Variants in PRKCQ observed in about 807,000 individuals in gnomAD.
PRKCQ encodes protein kinase C theta type.
In PRKCQ, 41 loss-of-function variants were observed where a neutral mutation model predicts 91.2. The ratio of observed to expected loss-of-function variants is 0.45; its 90% CI spans 0.35 to 0.58. The LOEUF is 0.58. Among genes scored for constraint, PRKCQ ranks in the 20% least tolerant of loss-of-function variants. PRKCQ has a pLI of 0.00. For synonymous variants in PRKCQ, 307 were observed against 316.9 expected (o/e 0.97, Z 0.33); for missense variants, 673 against 896.5 (o/e 0.75, Z 3.18).
chr10:6,485,382 A>C (rs661891), intron 9 of PRKCQ, 113 bp from the exon 10 acceptor site: 379,335 of 788,870 alleles, frequency 0.48, 93,356 homozygotes, highest in Middle Eastern at 0.56. Flanking sequence ...CATAGGGTCA[A>C]CAAAGATCTC....
At chr10:6,448,438 C>T (rs2132281141) in intron 15 of PRKCQ, among the ~76,000 whole-genome samples, 1 of 151,352 alleles carries the variant, frequency 6.6e-6, no homozygotes, top group East Asian at 2.0e-4. Flanking sequence ...GAGTCAGAGT[C>T]TCACTCTGTC....
intron 1 of PRKCQ, among the ~76,000 whole-genome samples, chr10:6,523,715 C>A (rs1383084367): frequency 6.6e-6 from 1 of 152,190 alleles, no homozygotes; most frequent in Non-Finnish European, 1.5e-5. Flanking sequence ...CATTATTAAT[C>A]TTCTGACACA....
chr10:6,520,471 G>T (rs1469578086), intron 1 of PRKCQ, among the ~76,000 whole-genome samples: 1 of 152,124 alleles, frequency 6.6e-6, no homozygotes, highest in Non-Finnish European at 1.5e-5. Flanking sequence ...ATGATCTTAG[G>T]ATCTTGCAAA....
At chr10:6,496,975 T>C in intron 7 of PRKCQ, 60 bp downstream of exon 7, 1 of 1,447,866 alleles carries the variant, frequency 6.9e-7, no homozygotes, top group Non-Finnish European at 9.7e-7. Context: ...ATTCGTGGGC[T>C]GTAACATTTA....
the PRKCQ span, among the ~76,000 whole-genome samples, chr10:6,402,626 C>T: frequency 3.9e-5 from 6 of 152,194 alleles, no homozygotes; most frequent in Non-Finnish European, 5.9e-5. Flanking sequence ...AAGTGAAGCA[C>T]TGTGTGGCCT....
chr10:6,563,466 A>T (rs1443558470), intron 1 of PRKCQ, among the ~76,000 whole-genome samples: 1 of 151,900 alleles, frequency 6.6e-6, no homozygotes, highest in Non-Finnish European at 1.5e-5. Context: ...CTTCCCTATA[A>T]GCCCCTCACC....
At chr10:6,526,830 G>T (rs1483886689) in intron 1 of PRKCQ, among the ~76,000 whole-genome samples, 2 of 152,168 alleles carry the variant, frequency 1.3e-5, no homozygotes, top group African/African-American at 4.8e-5. Context: ...CTAGAAAGGG[G>T]GTACCCTGGT....
At chr10:6,415,475 A>C in the PRKCQ span, among the ~76,000 whole-genome samples, 51 of 141,268 alleles carry the variant, frequency 3.6e-4, no homozygotes, top group Non-Finnish European at 6.2e-4. Flanking sequence ...CAAAATTTAC[A>C]GGAAATTTCA....
chr10:6,490,253 C>T (rs554156062), intron 8 of PRKCQ, among the ~76,000 whole-genome samples: 3 of 152,148 alleles, frequency 2.0e-5, no homozygotes, highest in East Asian at 1.9e-4. Context: ...CTGGGTTCCA[C>T]CAGACATGTG....
chr10:6,528,648 C>T (rs1326362302), intron 1 of PRKCQ, among the ~76,000 whole-genome samples: 2 of 152,206 alleles, frequency 1.3e-5, no homozygotes, highest in Non-Finnish European at 2.9e-5. Flanking sequence ...CCACAACCCA[C>T]AAAACTGTGC....
chr10:6,422,851 G>GTA (rs1190099032), downstream of PRKCQ, among the ~76,000 whole-genome samples: 1 of 152,190 alleles, frequency 6.6e-6, no homozygotes, highest in African/African-American at 2.4e-5. Flanking sequence ...TGTCCTCATG[G>GTA]TGAGACATCA....
At chr10:6,529,585 G>T (rs941138429) in intron 1 of PRKCQ, among the ~76,000 whole-genome samples, 1 of 152,170 alleles carries the variant, frequency 6.6e-6, no homozygotes, top group Non-Finnish European at 1.5e-5. Context: ...TCGAACCTTT[G>T]CATGGCCGAG....
intron 1 of PRKCQ, among the ~76,000 whole-genome samples, chr10:6,535,554 A>G (rs1839551425): frequency 6.6e-6 from 1 of 152,182 alleles, no homozygotes; most frequent in Non-Finnish European, 1.5e-5. Flanking sequence ...AACCCCAAGT[A>G]AAAAGACCTG....
chr10:6,528,446 G>A (rs1190388206), intron 1 of PRKCQ, among the ~76,000 whole-genome samples: 1 of 152,150 alleles, frequency 6.6e-6, no homozygotes, highest in Admixed American at 6.5e-5. Flanking sequence ...GAGGGTCCCT[G>A]ACACAGTCCA....
At chr10:6,530,214 T>C (rs1189566676) in intron 1 of PRKCQ, among the ~76,000 whole-genome samples, 1 of 152,152 alleles carries the variant, frequency 6.6e-6, no homozygotes, top group East Asian at 1.9e-4. Context: ...TCCACTTTCT[T>C]AACCTTTGAT....
At chr10:6,524,474 G>T (rs1223769595) in intron 1 of PRKCQ, among the ~76,000 whole-genome samples, 1 of 152,074 alleles carries the variant, frequency 6.6e-6, no homozygotes, top group African/African-American at 2.4e-5. Context: ...CACATCTACC[G>T]TCTTCAGCCG....
chr10:6,540,978 T>C (rs1181499750), intron 1 of PRKCQ, among the ~76,000 whole-genome samples: 1 of 152,196 alleles, frequency 6.6e-6, no homozygotes. Flanking sequence ...AGGAAGGGTG[T>C]TGAGCATCTT....
chr10:6,414,868 A>G, the PRKCQ span, among the ~76,000 whole-genome samples: 55 of 152,240 alleles, frequency 3.6e-4, no homozygotes, highest in East Asian at 0.01. Context: ...ATATATATGC[A>G]ATTGGAGACC....
chr10:6,397,638 T>G, the PRKCQ span, among the ~76,000 whole-genome samples: 1 of 152,188 alleles, frequency 6.6e-6, no homozygotes, highest in African/African-American at 2.4e-5. Flanking sequence ...TAAGATACCC[T>G]TGCTGGCTGG....
Sources: gnomAD v4.1 joint callset for allele counts (sites outside exome capture counted in the v4.1 genomes callset) on GRCh38, gnomAD v4.1.1 for gene constraint, MANE v1.5 for transcripts, NCBI Gene and HGNC (gene_info 2026-07-23, HGNC 2026-07-21) for gene names.